Variants in VPS13A observed in about 807,000 individuals in gnomAD.
VPS13A encodes vacuolar protein sorting 13 homolog A.
VPS13A carries 264 observed loss-of-function variants against 390.9 expected under a neutral mutation model. That is an observed-to-expected ratio of 0.68 (90% CI 0.61 to 0.75). VPS13A has a LOEUF of 0.75. VPS13A is among the 30% of genes least tolerant of loss of function. VPS13A has a pLI of 0.00. For missense variants in VPS13A, 3,409 were observed against 3,733.9 expected (o/e 0.91, Z 2.27); for synonymous variants, 1,231 against 1,227.1 (o/e 1.00, Z -0.07).
At position 77,282,224 on chromosome 9, in the gene VPS13A, C is replaced by T. The variant is rs1472297799; in HGVS notation, c.3068C>T (p.Pro1023Leu). The T allele has an allele frequency of 1.2e-6, 2 of 1,613,468 alleles. No homozygotes were observed. The highest frequency in any genetic ancestry group is 2.7e-5 in the African/African-American group (2 of 74,858). Residue 1023 changes from proline (P) to leucine (L), a missense_variant, in exon 29 of 72, where the codon CCA becomes CTA. Around this residue, in one of 5 missense-constraint regions of VPS13A, gnomAD observed 2,717 missense variants for 2,917.4 expected, o/e 0.93. Coordinates refer to ENST00000360280, the MANE Select transcript of VPS13A (RefSeq NM_033305.3). ...ILPQSEEKSA[P>L]VSTTETEDKG... ...CCGCAATCAGAGGAAAAATCAGCCC[C>T]AGTGTCCACTACAGAGACTGAAGAC... is the stretch of plus-strand genomic sequence containing the variant.
At chr9:77,414,053 C>T (rs1326815985) in intron 71 of VPS13A, among the ~76,000 whole-genome samples, 1 of 152,162 alleles carries the variant, frequency 6.6e-6, no homozygotes, top group Non-Finnish European at 1.5e-5. Context: ...CATCTCACAC[C>T]AGTTAGAATG....
At position 77,420,129 on chromosome 9, in the gene VPS13A, A is replaced by G. The variant is rs945190135; in HGVS notation, c.*4123A>G. 1.1e-4 allele frequency: 17 copies of G among 152,170 alleles called. No individual in the cohort carries two copies. Among genetic ancestry groups the G allele is most frequent in the African/African-American group, 4.1e-4 (17 of 41,440 alleles). 9.4% of individuals were successfully genotyped at this position (152,170 alleles called of 1,614,324 possible). A position where few individuals can be genotyped will look rare whatever the true frequency, so the allele number is the denominator to read the frequency against. On this transcript the variant is annotated 3_prime_UTR_variant, in exon 72 of 72. Coordinates refer to ENST00000360280, the MANE Select transcript of VPS13A (RefSeq NM_033305.3). ...TCCTTTGAAGTATACTTTTGAAATTATACCTTATTGTTAATGGCAACCTAA... is the reference window on the plus strand; with the variant it reads ...TCCTTTGAAGTATACTTTTGAAATTGTACCTTATTGTTAATGGCAACCTAA...
intron 45 of VPS13A, among the ~76,000 whole-genome samples, chr9:77,329,257 T>G (rs1271053945): frequency 1.3e-5 from 2 of 152,224 alleles, no homozygotes; most frequent in Non-Finnish European, 2.9e-5. Context: ...ATTTGTGTGT[T>G]CACTGGGTTA....
intron 35 of VPS13A, among the ~76,000 whole-genome samples, chr9:77,308,750 C>T (rs994290305): frequency 2.0e-5 from 3 of 152,114 alleles, no homozygotes; most frequent in African/African-American, 7.2e-5. Context: ...ATAAAGTTCT[C>T]ATTCTGGCAT....
At chr9:77,244,298 C>G (rs778177639) in intron 19 of VPS13A, among the ~76,000 whole-genome samples, 2 of 151,982 alleles carry the variant, frequency 1.3e-5, no homozygotes, top group African/African-American at 2.4e-5. Context: ...GACAGCGTTC[C>G]CTAGGAAGAG....
chr9:77,227,389 A>G lies in VPS13A; in HGVS notation c.1358-2A>G. On this transcript the variant is annotated splice_acceptor_variant, in intron 15 of 71. Transcript: ENST00000360280. LOFTEE classifies it high-confidence loss of function. ...CATAAAGCACTTCTTTCTGATTTGT[A>G]GCTCTTGAAGAAATGTTGACACCTG... 1 of 1,609,072 alleles carries G rather than the reference A, an allele frequency of 6.2e-7. No individual in the cohort carries two copies. The highest frequency in any genetic ancestry group is 8.5e-7 in the Non-Finnish European group (1 of 1,175,968).
chr9:77,257,545 G>A (rs570005549), intron 22 of VPS13A, among the ~76,000 whole-genome samples: 1 of 152,244 alleles, frequency 6.6e-6, no homozygotes, highest in South Asian at 2.1e-4. Context: ...TTGAGGCAAG[G>A]AGTTTGAGAC....
intron 44 of VPS13A, among the ~76,000 whole-genome samples, chr9:77,322,028 C>T (rs1044816884): frequency 2.6e-5 from 4 of 151,774 alleles, no homozygotes; most frequent in South Asian, 2.1e-4. Context: ...TATTAGATCT[C>T]GCCCTCATTC....
chr9:77,385,104 G>A (rs1223899278), intron 68 of VPS13A: 6 of 983,544 alleles, frequency 6.1e-6, no homozygotes, highest in Non-Finnish European at 7.3e-6. Context: ...GAAGAAAATA[G>A]TAATAGCCAT....
rs776346441 is a variant in VPS13A, at chr9:77,370,501, A to G, written c.8830A>G (p.Lys2944Glu). Residue 2944 changes from lysine to glutamate, a missense_variant, in exon 65 of 72, where the codon AAG becomes GAG. Lys to Glu is a moderately conservative substitution (Grantham distance 56, BLOSUM62 1). Around this residue, in one of 5 missense-constraint regions of VPS13A, gnomAD observed 318 missense variants for 333.7 expected, o/e 0.95. Coordinates refer to ENST00000360280, the MANE Select transcript of VPS13A (RefSeq NM_033305.3). ...GACCATGGATGAAGACTACCAACAG[A>G]AGAGAAGAGAAGCCATGAATAAGCA... ...AMTMDEDYQQ[K>E]RREAMNKQPA... 6 of 1,614,188 alleles carry G rather than the reference A, an allele frequency of 3.7e-6. No homozygotes were observed. In the South Asian group the frequency reaches 5.5e-5, roughly 15 times the overall value.
At chr9:77,284,345 A>G (rs1233084955) in intron 31 of VPS13A, among the ~76,000 whole-genome samples, 1 of 149,976 alleles carries the variant, frequency 6.7e-6, no homozygotes, top group African/African-American at 2.5e-5. Flanking sequence ...GGAAATAGAT[A>G]AATAGATTTT....
At chr9:77,340,735 T>G (rs2131508798) in intron 50 of VPS13A, 185 bp downstream of exon 50, 1 of 640,548 alleles carries the variant, frequency 1.6e-6, no homozygotes, top group Non-Finnish European at 2.6e-6. Context: ...TTTTAATAAT[T>G]AGGTAACTAG....
At chr9:77,314,715 A>C in intron 37 of VPS13A, 51 bp downstream of exon 37, 2 of 1,560,084 alleles carry the variant, frequency 1.3e-6, no homozygotes, top group South Asian at 2.2e-5. Flanking sequence ...TCGTTGATAT[A>C]TTTTACAGAA....
intron 59 of VPS13A, among the ~76,000 whole-genome samples, chr9:77,362,628 T>C (rs1359201424): frequency 1.3e-5 from 2 of 152,202 alleles, no homozygotes; most frequent in Non-Finnish European, 2.9e-5. Context: ...AATTTTAGAA[T>C]CAACTTGTCA....
intron 22 of VPS13A, among the ~76,000 whole-genome samples, chr9:77,253,416 C>T (rs187423197): frequency 6.6e-6 from 1 of 152,258 alleles, no homozygotes; most frequent in Non-Finnish European, 1.5e-5. Context: ...AGTGATTCTC[C>T]TGCCTCAGCC....
At chr9:77,334,004 G>C (rs1308226297) in intron 46 of VPS13A, among the ~76,000 whole-genome samples, 1 of 152,110 alleles carries the variant, frequency 6.6e-6, no homozygotes, top group Non-Finnish European at 1.5e-5. Flanking sequence ...GAAAGTGTTA[G>C]AGTTGCCAAA....
At chr9:77,292,371 G>A (rs1221380943) in intron 31 of VPS13A, among the ~76,000 whole-genome samples, 1 of 151,918 alleles carries the variant, frequency 6.6e-6, no homozygotes, top group Non-Finnish European at 1.5e-5. Context: ...CTCCCTGAAG[G>A]TACCTGTTTG....
At chr9:77,396,457 A>AT (rs1052191077) in intron 68 of VPS13A, among the ~76,000 whole-genome samples, 1 of 152,246 alleles carries the variant, frequency 6.6e-6, no homozygotes, top group South Asian at 2.1e-4. Flanking sequence ...GTAAGATTTT[A>AT]TTTTTTTAAA....
At chr9:77,347,971 C>T (rs989723329) in intron 52 of VPS13A, among the ~76,000 whole-genome samples, 17 of 151,768 alleles carry the variant, frequency 1.1e-4, no homozygotes, top group African/African-American at 4.1e-4. Context: ...AATCAAGAAA[C>T]AACAGATGAT....
Sources: allele counts gnomAD v4.1 joint callset (sites outside exome capture counted in the v4.1 genomes callset), GRCh38; gene constraint gnomAD v4.1.1; regional missense constraint gnomAD v4.1.1; transcripts MANE v1.5; gene names NCBI Gene and HGNC (gene_info 2026-07-23, HGNC 2026-07-21).